The following HEATR6 variants were observed in gnomAD, a reference collection of about 807,000 sequenced individuals.
HEATR6 encodes HEAT repeat-containing protein 6.
In HEATR6, 106 loss-of-function variants were observed where a neutral mutation model predicts 132.8. That is an observed-to-expected ratio of 0.80 (90% CI 0.68 to 0.94). HEATR6 has a LOEUF of 0.94. HEATR6 is among the 40% of genes least tolerant of loss of function. The probability of loss-of-function intolerance (pLI) is 0.00; values close to 1 mark genes in which losing one functional copy is unlikely to be tolerated. For missense variants in HEATR6, 1,339 were observed against 1,425.1 expected, an observed-to-expected ratio of 0.94 and a Z score of 0.97; for synonymous variants, 529 against 537.8, an observed-to-expected ratio of 0.98 and a Z score of 0.23.
In HEATR6 at chr17:60,055,550, T is replaced by G. The variant is rs752164238; in HGVS notation, c.2254A>C (p.Thr752Pro). 1 of 1,613,396 alleles carries G rather than the reference T, an allele frequency of 6.2e-7. No individual in the cohort carries two copies. The highest frequency in any genetic ancestry group is 8.5e-7 in the Non-Finnish European group (1 of 1,179,654). Residue 752 changes from threonine (T) to proline (P), a missense_variant, in exon 14 of 20, where the codon ACT (threonine) becomes CCT (proline). Coordinates refer to ENST00000184956, the MANE Select transcript of HEATR6 (RefSeq NM_022070.5). Reference protein sequence around the residue: ...GLIQQYKPDSTAAPDQRAPVF... With the variant: ...GLIQQYKPDSPAAPDQRAPVF... ...GGTGCTCTCTGATCAGGTGCTGCAG[T>G]GGAGTCTGGTTTATACTGCTGTATT...
In HEATR6 at chr17:60,076,247, A is replaced by G. The variant is rs2083296095; in HGVS notation, c.220-10T>C. 7 of 1,500,746 alleles carry G rather than the reference A, an allele frequency of 4.7e-6. No individual in the cohort carries two copies. Among genetic ancestry groups the G allele is most frequent in the Non-Finnish European group, 6.4e-6 (7 of 1,087,616 alleles). The allele number at this position is 1,500,746 out of a possible 1,614,324, so 93.0% of individuals were successfully genotyped here. A position where few individuals can be genotyped will look rare whatever the true frequency, so the allele number is the denominator to read the frequency against. On this transcript the variant is annotated splice_polypyrimidine_tract_variant and intron_variant, in intron 1 of 19. Transcript: ENST00000184956. ...GAAGAGCACTAACGTCCTACCAAAA[A>G]AAAAAAGATAAGAGGTAAAATACTT...
chr17:60,053,919 T>C (rs1906661188), intron 14 of HEATR6, among the ~76,000 whole-genome samples: 1 of 152,234 alleles, frequency 6.6e-6, no homozygotes, highest in Admixed American at 6.5e-5. Context: ...ACCCTGGCCC[T>C]GTACTAGAGA....
intron 5 of HEATR6, 49 bp downstream of exon 5, chr17:60,072,166 C>T (rs1157214234): frequency 1.0e-6 from 1 of 962,984 alleles, no homozygotes; most frequent in Non-Finnish European, 1.6e-6. Context: ...TTCCAATCTG[C>T]TTCTAGACAC....
intron 9 of HEATR6, among the ~76,000 whole-genome samples, chr17:60,064,186 G>A (rs866408322): frequency 2.0e-5 from 3 of 152,114 alleles, no homozygotes; most frequent in Non-Finnish European, 4.4e-5. Context: ...GTGCATGCCT[G>A]TAGTCCCAGC....
chr17:60,045,117 G>A (rs1395980894), intron 19 of HEATR6, among the ~76,000 whole-genome samples: 1 of 152,186 alleles, frequency 6.6e-6, no homozygotes, highest in African/African-American at 2.4e-5. Flanking sequence ...CCACTGAGGT[G>A]CCCTGGTTTC....
chr17:60,048,402 C>G lies in HEATR6; in HGVS notation c.2548-14G>C. 1 of 1,602,210 alleles carries G rather than the reference C, an allele frequency of 6.2e-7. No homozygotes were observed. Among genetic ancestry groups the G allele is most frequent in the Non-Finnish European group, 8.5e-7 (1 of 1,171,498 alleles). ...AAATATGACATCCTGTAACACAAAACAAAACACTGCAGTTACTTTAGCAGG... is the reference window on the plus strand; with the variant it reads ...AAATATGACATCCTGTAACACAAAAGAAAACACTGCAGTTACTTTAGCAGG... On this transcript the variant is annotated splice_polypyrimidine_tract_variant and intron_variant, in intron 16 of 19. Transcript: ENST00000184956.
At chr17:60,055,217 A>C (rs1906704769) in intron 14 of HEATR6, among the ~76,000 whole-genome samples, 1 of 152,226 alleles carries the variant, frequency 6.6e-6, no homozygotes, top group African/African-American at 2.4e-5. Flanking sequence ...TACAGCCTGC[A>C]GAACTGTGAG....
Position 60,049,491 on chromosome 17 carries a change from C to T in HEATR6, c.2547+89G>A, listed in dbSNP as rs1011179746. ...TTACAAAGCAATTTAGTTTCCTTTACCATCCAATGCAGGAGCTCTATATCC... is the reference window on the plus strand; with the variant it reads ...TTACAAAGCAATTTAGTTTCCTTTATCATCCAATGCAGGAGCTCTATATCC... On this transcript the variant is annotated intron_variant, in intron 16 of 19. Transcript: ENST00000184956. 12 of 1,451,850 alleles carry T rather than the reference C, an allele frequency of 8.3e-6. No homozygotes were observed. The African/African-American group carries it at 1.6e-4, about 19-fold the overall frequency. The allele number at this position is 1,451,850 out of a possible 1,614,324, so 89.9% of individuals were successfully genotyped here. A position where few individuals can be genotyped will look rare whatever the true frequency, so the allele number is the denominator to read the frequency against.
chr17:60,071,225 A>C (rs2083268572), intron 5 of HEATR6, among the ~76,000 whole-genome samples: 1 of 152,104 alleles, frequency 6.6e-6, no homozygotes, highest in Non-Finnish European at 1.5e-5. Flanking sequence ...AAATTATAGA[A>C]ACTTGGTTTC....
intron 11 of HEATR6, among the ~76,000 whole-genome samples, chr17:60,059,018 G>C (rs1169751414): frequency 6.6e-6 from 1 of 152,166 alleles, no homozygotes; most frequent in Admixed American, 6.5e-5. Context: ...TTGTATTCCA[G>C]TTTTTCTTTC....
chr17:60,045,146 C>T (rs1415915267), intron 19 of HEATR6, among the ~76,000 whole-genome samples: 1 of 152,170 alleles, frequency 6.6e-6, no homozygotes, highest in Admixed American at 6.5e-5. Flanking sequence ...CTTGGCTCTC[C>T]AGAAGGCGGA....
In HEATR6 at chr17:60,072,427, T is replaced by C. The variant is rs143144381; in HGVS notation, c.585-98A>G. 5.7e-4 allele frequency: 333 copies of C among 585,788 alleles called. 2 individuals are homozygous for C. Among genetic ancestry groups the C allele is most frequent in the African/African-American group, 5.7e-3 (297 of 52,524 alleles). 36.3% of individuals were successfully genotyped at this position (585,788 alleles called of 1,614,324 possible). A position where few individuals can be genotyped will look rare whatever the true frequency, so the allele number is the denominator to read the frequency against. ...ATAGCAGTAATATAGACTATTAGAG[T>C]TGGAATATACCCTTGAGTGCAACTA... On this transcript the variant is annotated intron_variant, in intron 4 of 19. Coordinates refer to ENST00000184956, the MANE Select transcript of HEATR6 (RefSeq NM_022070.5).
rs1193871432 is a variant in HEATR6, at chr17:60,078,684, C to T, written c.219+12G>A. 3 of 1,533,384 alleles carry T rather than the reference C, an allele frequency of 2.0e-6. No individual in the cohort carries two copies. Among genetic ancestry groups the T allele is most frequent in the Admixed American group, 2.0e-5 (1 of 50,658 alleles). 95.0% of individuals were successfully genotyped at this position (1,533,384 alleles called of 1,614,324 possible). On this transcript the variant is annotated intron_variant, in intron 1 of 19. Coordinates refer to ENST00000184956, the MANE Select transcript of HEATR6 (RefSeq NM_022070.5). ...GGGGCCGGGGCCGGGGCCAGCAGGG[C>T]GCGCCGCCTACCTCCGGGGCCACGC...
chr17:60,057,785 G>A (rs927019866), intron 11 of HEATR6, among the ~76,000 whole-genome samples: 5 of 151,984 alleles, frequency 3.3e-5, no homozygotes, highest in East Asian at 1.9e-4. Context: ...AATGAACCCC[G>A]GATTTTAACA....
Position 60,043,729 on chromosome 17 carries a change from T to C in HEATR6, c.3380A>G (p.Glu1127Gly). ...GGCCATTCTGACCATCTGGTCTCTT[T>C]CCTGTGGGCTGTGGGGTGCTCCAGT... ...DDTGAPHSPQ[E>G]RDQMVRMALK... The change falls in exon 20 of 20, where the codon GAA becomes GGA. Residue 1127 changes from glutamate to glycine, a missense_variant. Coordinates refer to ENST00000184956, the MANE Select transcript of HEATR6 (RefSeq NM_022070.5). The C allele has an allele frequency of 6.2e-7, 1 of 1,614,208 alleles. No homozygotes were observed. Among genetic ancestry groups the C allele is most frequent in the Non-Finnish European group, 8.5e-7 (1 of 1,180,030 alleles).
chr17:60,078,178 T>C (rs2083305828), intron 1 of HEATR6, among the ~76,000 whole-genome samples: 1 of 150,694 alleles, frequency 6.6e-6, no homozygotes, highest in South Asian at 2.1e-4. Context: ...TGTGTAAGAT[T>C]ACTCAGAAAG....
At position 60,072,229 on chromosome 17, in the gene HEATR6, T is replaced by C. The variant is rs767474125; in HGVS notation, c.685A>G (p.Ile229Val). The change falls in exon 5 of 20, where the codon ATC (isoleucine) becomes GTC (valine). Residue 229 changes from isoleucine to valine, a missense_variant. Transcript: ENST00000184956. Reference sequence around the variant, plus strand: ...AGTCCACTTACCATGCAAAATGTGATATCATCCATATCAGATGATTTTGGA... The same window carrying C: ...AGTCCACTTACCATGCAAAATGTGACATCATCCATATCAGATGATTTTGGA... ...QSPKSSDMDDITFCMLLQNAL... is the reference protein window; with the variant it reads ...QSPKSSDMDDVTFCMLLQNAL... 2.0e-5 allele frequency: 31 copies of C among 1,566,260 alleles called. No homozygotes were observed. The Middle Eastern group carries it at 2.5e-3, about 127-fold the overall frequency.
At chr17:60,069,616 G>C in intron 7 of HEATR6, 95 bp downstream of exon 7, 4 of 1,165,442 alleles carry the variant, frequency 3.4e-6, no homozygotes, top group South Asian at 1.4e-5. Flanking sequence ...TTCAAGGTAG[G>C]CTTTTAGGGT....
intron 15 of HEATR6, among the ~76,000 whole-genome samples, 183 bp from the exon 16 acceptor site, chr17:60,049,885 A>G (rs1906522151): frequency 6.6e-6 from 1 of 152,222 alleles, no homozygotes; most frequent in African/African-American, 2.4e-5. Context: ...CTGAGCACCC[A>G]CTTTGTGCAA....
Sources: gnomAD v4.1 joint callset for allele counts (sites outside exome capture counted in the v4.1 genomes callset) on GRCh38, gnomAD v4.1.1 for gene constraint, MANE v1.5 for transcripts, NCBI Gene and HGNC (gene_info 2026-07-23, HGNC 2026-07-21) for gene names.